Variants in EFHD2 observed in about 807,000 individuals in gnomAD.
EFHD2 encodes the protein EF-hand domain family member D2, also known as EF-hand domain-containing protein D2.
Under a neutral mutation model 20.3 loss-of-function variants are expected in EFHD2, and 12 were observed. That is an observed-to-expected ratio of 0.59 (90% CI 0.38 to 0.96). EFHD2 has a LOEUF of 0.96. EFHD2 is among the 40% of genes least tolerant of loss of function. The pLI is 0.00. For synonymous variants in EFHD2, 131 were observed against 143.9 expected, an observed-to-expected ratio of 0.91 and a Z score of 0.64; for missense variants, 250 against 334.3, an observed-to-expected ratio of 0.75 and a Z score of 1.97.
At position 15,428,713 on chromosome 1, in the gene EFHD2, A is replaced by C. The variant is rs776732499; in HGVS notation, c.712A>C (p.Thr238Pro). 6.3e-7 allele frequency: 1 copy of C among 1,587,610 alleles called. No homozygotes were observed. ...RKAAFKELQS[T>P]FK ...AGCGGCCTTCAAGGAGCTGCAGTCC[A>C]CCTTTAAGTAGCGGGGGCTGCAGCC... Residue 238 changes from threonine (T) to proline (P), a missense_variant, in exon 4 of 4, where the codon ACC becomes CCC. Physicochemically the swap from Thr to Pro is conservative, Grantham distance 38. Coordinates refer to ENST00000375980, the MANE Select transcript of EFHD2 (RefSeq NM_024329.6).
rs139996946 is a variant in EFHD2 at position 15,413,050 on chromosome 1, C to T, written c.308+2771C>T. The stretch of plus-strand genomic sequence containing the variant: ...AGGAAACAACGCTTCACTGTGCCAA[C>T]CGAGCCCAACCCCGCCGCCAACAGA... On this transcript the variant is annotated intron_variant, in intron 1 of 3. Transcript: ENST00000375980. This position sits in a 1 kb window ranked among gnomAD's most constrained non-coding sequence, Gnocchi z 4.4. Among the ~76,000 whole-genome samples, 1,465 of 152,264 alleles carry T rather than the reference C, an allele frequency of 9.6e-3. 17 individuals are homozygous for T. The highest frequency in any genetic ancestry group is 0.032 in the African/African-American group (1,341 of 41,548).
chr1:15,424,675 C>G (rs1179510167), intron 1 of EFHD2, among the ~76,000 whole-genome samples: 1 of 152,226 alleles, frequency 6.6e-6, no homozygotes, highest in Non-Finnish European at 1.5e-5. Flanking sequence ...GCTCTGTGCC[C>G]TCGACAAAGG....
intron 1 of EFHD2, among the ~76,000 whole-genome samples, chr1:15,418,401 G>T (rs1253592444): frequency 6.8e-6 from 1 of 147,920 alleles, no homozygotes; most frequent in African/African-American, 2.6e-5. Flanking sequence ...CGCCTCCTGG[G>T]TTCACGCCAT....
In EFHD2 at chr1:15,426,888, G is replaced by A. The variant is rs1251139473; in HGVS notation, c.457-262G>A. Among the ~76,000 whole-genome samples the A allele has an allele frequency of 3.9e-5, 6 of 152,188 alleles. No homozygotes were observed. The highest frequency in any genetic ancestry group is 1.9e-4 in the East Asian group (1 of 5,196). On this transcript the variant is annotated intron_variant, in intron 2 of 3. Transcript: ENST00000375980. This position sits in a 1 kb window ranked among gnomAD's most constrained non-coding sequence, Gnocchi z 4.6. ...GTAAGAGGTAGGCTGAGGCCGTGTC[G>A]TCGGGAGCTGGTGTGGGCGGGTCAG...
chr1:15,411,780 G>A (rs986808166), intron 1 of EFHD2, among the ~76,000 whole-genome samples: 4 of 152,206 alleles, frequency 2.6e-5, no homozygotes, highest in African/African-American at 9.6e-5. Context: ...TGGGCAGGAG[G>A]TGGGGGCAGA....
At chr1:15,423,927 C>T (rs374904667) in intron 1 of EFHD2, among the ~76,000 whole-genome samples, 27 of 152,016 alleles carry the variant, frequency 1.8e-4, no homozygotes, top group African/African-American at 5.6e-4. Context: ...AAGTGGTGCA[C>T]GCCTGTAATT....
chr1:15,420,476 G>A (rs535381966), intron 1 of EFHD2, among the ~76,000 whole-genome samples: 1 of 151,962 alleles, frequency 6.6e-6, no homozygotes, highest in Non-Finnish European at 1.5e-5. Context: ...CTAGTAGCTG[G>A]GACCAGAGGC....
intron 1 of EFHD2, among the ~76,000 whole-genome samples, chr1:15,423,822 C>T (rs534863654): frequency 6.6e-5 from 10 of 152,256 alleles, no homozygotes; most frequent in African/African-American, 2.2e-4. Flanking sequence ...ACCTGTGTTG[C>T]GCTGCTGTCA....
chr1:15,411,388 A>G (rs1707509630), intron 1 of EFHD2, among the ~76,000 whole-genome samples: 1 of 151,816 alleles, frequency 6.6e-6, no homozygotes, highest in African/African-American at 2.4e-5. Flanking sequence ...GTCCCCCCAC[A>G]AAAACAATCT....
intron 1 of EFHD2, among the ~76,000 whole-genome samples, chr1:15,418,841 T>C (rs1707737770): frequency 1.4e-5 from 2 of 138,276 alleles, no homozygotes; most frequent in African/African-American, 5.6e-5. Flanking sequence ...TGATCAGGCC[T>C]GGTTCAGAGC....
chr1:15,424,431 C>T (rs944856629), intron 1 of EFHD2, among the ~76,000 whole-genome samples: 9 of 152,164 alleles, frequency 5.9e-5, no homozygotes, highest in African/African-American at 2.2e-4. Context: ...AGAAGCCAGT[C>T]AAGAGGGACT....
At chr1:15,424,874 G>A (rs771569653) in intron 1 of EFHD2, among the ~76,000 whole-genome samples, 4 of 152,266 alleles carry the variant, frequency 2.6e-5, no homozygotes, top group South Asian at 2.1e-4. Context: ...GAAAGAGGCC[G>A]CCTTCCACAC....
chr1:15,418,043 G>A (rs192295580), intron 1 of EFHD2, among the ~76,000 whole-genome samples: 94 of 134,742 alleles, frequency 7.0e-4, no homozygotes, highest in African/African-American at 2.5e-3. Flanking sequence ...AGGCTGGAGT[G>A]CAGTGGCACA....
intron 1 of EFHD2, among the ~76,000 whole-genome samples, chr1:15,420,082 C>T (rs1487049585): frequency 6.6e-6 from 1 of 152,210 alleles, no homozygotes; most frequent in Non-Finnish European, 1.5e-5. Flanking sequence ...CAGGCCAAGC[C>T]ACCACAAGCC....
intron 1 of EFHD2, among the ~76,000 whole-genome samples, chr1:15,412,335 C>G (rs368765220): frequency 1.5e-4 from 23 of 152,218 alleles, no homozygotes; most frequent in South Asian, 1.5e-3. Context: ...AGTGCTGAGG[C>G]GCTCACCAGG....
At chr1:15,420,190 T>C (rs1006675933) in intron 1 of EFHD2, among the ~76,000 whole-genome samples, 1 of 152,236 alleles carries the variant, frequency 6.6e-6, no homozygotes. Flanking sequence ...CCTTTTTATA[T>C]TGTATATGTG....
chr1:15,427,559 A>T (rs72865110), intron 3 of EFHD2, among the ~76,000 whole-genome samples: 4,578 of 152,304 alleles, frequency 0.03, 236 homozygotes, highest in African/African-American at 0.1. Flanking sequence ...CCTGGCACAC[A>T]GAGCTGCTAA....
Position 15,427,018 on chromosome 1 carries a change from G to A in EFHD2, c.457-132G>A, listed in dbSNP as rs141333039. The A allele has an allele frequency of 6.0e-4, 761 of 1,263,644 alleles. 1 individual carries two copies. In the African/African-American group the frequency reaches 7.1e-3, roughly 12 times the overall value. 78.3% of individuals were successfully genotyped at this position (1,263,644 alleles called of 1,614,324 possible). ...GGGGCTCACGGGAGCAGCAAGGGGC[G>A]AGACCCAGCTCACTGCCCCCCAGTC... On this transcript the variant is annotated intron_variant, in intron 2 of 3. Transcript: ENST00000375980.
At chr1:15,427,800 G>T in intron 3 of EFHD2, 1 of 417,952 alleles carries the variant, frequency 2.4e-6, no homozygotes. Context: ...CTCCCGCCTT[G>T]TTTCTCTCTT....
Sources: gnomAD v4.1 joint callset for allele counts (sites outside exome capture counted in the v4.1 genomes callset) on GRCh38, gnomAD v4.1.1 for gene constraint, Gnocchi (gnomAD v3.1) non-coding constraint, MANE v1.5 for transcripts, NCBI Gene and HGNC (gene_info 2026-07-23, HGNC 2026-07-21) for gene names.